TENM3: variants seen among roughly 807,000 people sequenced by gnomAD.
TENM3 encodes teneurin-3.
In TENM3, 63 loss-of-function variants were observed where a neutral mutation model predicts 255.1. That is an observed-to-expected ratio of 0.25 (90% confidence interval 0.20 to 0.30). The LOEUF is 0.30. Among genes scored for constraint, TENM3 ranks in the 10% least tolerant of loss-of-function variants. The pLI is 1.00. For synonymous variants in TENM3, 1,306 were observed against 1,322.3 expected, an observed-to-expected ratio of 0.99 and a Z score of 0.27; for missense variants, 2,929 against 3,461.1, an observed-to-expected ratio of 0.85 and a Z score of 3.86.
At chr4:182,136,855 C>T in the TENM3 span, among the ~76,000 whole-genome samples, 2 of 152,124 alleles carry the variant, frequency 1.3e-5, no homozygotes, top group African/African-American at 2.4e-5. Flanking sequence ...CTAGTCTTGA[C>T]GCCTAAGATT....
Position 182,799,865 on chromosome 4 carries a change from C to T in TENM3, c.7614C>T (p.His2538=). ...LNNAFYLENL[H]FTIEGKDTHY... is the part of the protein sequence containing the mutation. The stretch of plus-strand genomic sequence containing the variant: ...ACGCCTTCTACCTGGAGAACCTGCA[C>T]TTCACCATCGAGGGCAAGGACACGC... Residue 2538 remains histidine, a synonymous_variant, in exon 28 of 28, where the codon CAC becomes CAT. Transcript: ENST00000511685. The surrounding 1 kb of genome is among the most constrained non-coding windows in gnomAD (Gnocchi z 4.2). 6.2e-7 allele frequency: 1 copy of T among 1,611,248 alleles called. No individual in the cohort carries two copies. The highest frequency in any genetic ancestry group is 8.5e-7 in the Non-Finnish European group (1 of 1,178,964).
chr4:182,681,761 A>G (rs1756195059), intron 10 of TENM3, 53 bp from the exon 11 acceptor site: 5 of 1,278,398 alleles, frequency 3.9e-6, no homozygotes, highest in East Asian at 2.5e-5. Context: ...TTTTTTCTGC[A>G]TGCACTATGA....
chr4:181,448,409 G>A, the TENM3 span, among the ~76,000 whole-genome samples: 5 of 151,642 alleles, frequency 3.3e-5, no homozygotes, highest in South Asian at 8.4e-4. Context: ...CTGACCTCGT[G>A]ATCCGCCCGC....
At chr4:181,710,002 A>C in the TENM3 span, among the ~76,000 whole-genome samples, 4 of 152,258 alleles carry the variant, frequency 2.6e-5, no homozygotes, top group African/African-American at 9.6e-5. Flanking sequence ...GGACACATTA[A>C]ATTTGACATG....
Position 182,789,210 on chromosome 4 carries a change from ACT to A in TENM3, c.5427_5428del (p.Trp1810AlafsTer28). Reference sequence around the variant, plus strand: ...CGCCTACGACACGTCTGGGCACCCGACTCTCTGGCTGCCAAGCAGCAAGCTGA... The same window carrying A: ...CGCCTACGACACGTCTGGGCACCCGACTCTGGCTGCCAAGCAGCAAGCTGA... The part of the protein sequence containing the change: ...RIAYDTSGHP[T>X]LWLPSSKLMA... On this transcript the variant is annotated frameshift_variant, in exon 25 of 28. Coordinates refer to ENST00000511685, the MANE Select transcript of TENM3 (RefSeq NM_001080477.4). LOFTEE classifies it high-confidence loss of function. The surrounding 1 kb of genome is among the most constrained non-coding windows in gnomAD (Gnocchi z 4.4). 6.2e-7 allele frequency: 1 copy of A among 1,613,182 alleles called. No individual in the cohort carries two copies. The highest frequency in any genetic ancestry group is 8.5e-7 in the Non-Finnish European group (1 of 1,179,662).
intron 5 of TENM3, among the ~76,000 whole-genome samples, chr4:182,646,887 C>A (rs780925733): frequency 3.3e-5 from 5 of 152,120 alleles, no homozygotes; most frequent in Non-Finnish European, 5.9e-5. Context: ...ATTGTGGTCT[C>A]TTCTTTTGAG....
At chr4:181,710,517 A>G in the TENM3 span, among the ~76,000 whole-genome samples, 2 of 152,080 alleles carry the variant, frequency 1.3e-5, no homozygotes, top group African/African-American at 4.8e-5. Context: ...AGAGATCAAG[A>G]CCATCCTGGA....
At chr4:182,732,951 C>T (rs142385173) in intron 16 of TENM3, among the ~76,000 whole-genome samples, 104 of 152,286 alleles carry the variant, frequency 6.8e-4, no homozygotes, top group African/African-American at 2.3e-3. Context: ...CTTGAAAACC[C>T]GTTCTGTAGC....
the TENM3 span, among the ~76,000 whole-genome samples, chr4:181,735,716 C>A: frequency 6.6e-6 from 1 of 152,062 alleles, no homozygotes; most frequent in African/African-American, 2.4e-5. Flanking sequence ...GTTCTGCAAA[C>A]CCACACATTC....
At chr4:181,787,520 A>G in the TENM3 span, among the ~76,000 whole-genome samples, 2 of 151,980 alleles carry the variant, frequency 1.3e-5, no homozygotes, top group African/African-American at 2.4e-5. Context: ...TCATATTTTT[A>G]GTAGAGATGA....
chr4:181,865,167 C>T, the TENM3 span, among the ~76,000 whole-genome samples: 2 of 152,346 alleles, frequency 1.3e-5, no homozygotes, highest in South Asian at 4.1e-4. Flanking sequence ...ACAAGGCAAG[C>T]TGTGCTGGCT....
the TENM3 span, among the ~76,000 whole-genome samples, chr4:182,069,877 A>G: frequency 1.3e-5 from 2 of 152,306 alleles, no homozygotes; most frequent in Non-Finnish European, 2.9e-5. Flanking sequence ...AAGGACAGCC[A>G]GTTAAACAGG....
the TENM3 span, among the ~76,000 whole-genome samples, chr4:181,456,165 GTGTGTGTATATATGTATATATGTATA>G: frequency 2.3e-4 from 3 of 13,308 alleles, no homozygotes; most frequent in Non-Finnish European, 6.6e-4. Flanking sequence ...GTGTACACAT[GTGTGTGTATATATGTATATATGTATA>G]TGTGTATATA....
rs576766339 is a variant in TENM3, at chr4:182,797,325, G to T, written c.7344+558G>T. 1.2e-4 allele frequency among the ~76,000 whole-genome samples: 18 copies of T among 152,096 alleles called. No homozygotes were observed. The South Asian group carries it at 3.7e-3, about 32-fold the overall frequency. On this transcript the variant is annotated intron_variant, in intron 27 of 27. Transcript: ENST00000511685. ...ATGGTGGGGCATGCCTGTTATCCCA[G>T]CTACTCAGGAGGCTGAGGCAGGAGA...
At chr4:182,162,305 C>T (rs1222611544) in intron 1 of TENM3, among the ~76,000 whole-genome samples, 2 of 152,104 alleles carry the variant, frequency 1.3e-5, no homozygotes, top group African/African-American at 4.8e-5. Flanking sequence ...ATTTATTAAA[C>T]ACCTATTTTG....
chr4:182,205,418 C>A (rs1298796369), intron 1 of TENM3, among the ~76,000 whole-genome samples: 1 of 152,264 alleles, frequency 6.6e-6, no homozygotes, highest in East Asian at 1.9e-4. Flanking sequence ...GCCCACCTCT[C>A]CCATGTGCCT....
intron 1 of TENM3, among the ~76,000 whole-genome samples, chr4:182,152,895 C>T (rs1034180050): frequency 6.4e-4 from 97 of 151,522 alleles, no homozygotes; most frequent in African/African-American, 2.3e-3. Context: ...AAATTCTTCC[C>T]GTAAAAATTT....
intron 2 of TENM3, among the ~76,000 whole-genome samples, chr4:182,338,845 GA>G (rs1195903629): frequency 6.6e-6 from 1 of 152,066 alleles, no homozygotes; most frequent in Non-Finnish European, 1.5e-5. Context: ...TGTGAAAGAG[GA>G]AGATTTGAGA....
chr4:182,122,871 T>C, the TENM3 span, among the ~76,000 whole-genome samples: 6 of 152,336 alleles, frequency 3.9e-5, no homozygotes, highest in Admixed American at 6.5e-5. Context: ...TTCATCTACA[T>C]TGAAAATCTG....
Sources: gnomAD v4.1 joint callset for allele counts (sites outside exome capture counted in the v4.1 genomes callset) on GRCh38, gnomAD v4.1.1 for gene constraint, Gnocchi (gnomAD v3.1) non-coding constraint, MANE v1.5 for transcripts, NCBI Gene and HGNC (gene_info 2026-07-23, HGNC 2026-07-21) for gene names.